Variants in RIN3 observed in about 807,000 individuals in gnomAD.
The protein encoded by RIN3 is Ras and Rab interactor 3, also known as RAB5 interacting protein 3.
RIN3 carries 54 observed loss-of-function variants against 76.3 expected under a neutral mutation model. The ratio of observed to expected loss-of-function variants is 0.71; its 90% CI spans 0.57 to 0.89. RIN3 has a LOEUF of 0.89. Among genes scored for constraint, RIN3 ranks in the 40% least tolerant of loss-of-function variants. The pLI is 0.00. For synonymous variants in RIN3, 576 were observed against 564.0 expected, an observed-to-expected ratio of 1.02 and a Z score of -0.30; for missense variants, 1,256 against 1,322.1, an observed-to-expected ratio of 0.95 and a Z score of 0.78.
intron 3 of RIN3, among the ~76,000 whole-genome samples, chr14:92,593,652 G>T (rs1295436317): frequency 1.3e-5 from 2 of 152,128 alleles, no homozygotes; most frequent in African/African-American, 4.8e-5. Context: ...TAACAAACCT[G>T]CACGTTGTGC....
chr14:92,661,758 C>CACAAAA (rs373869994), intron 7 of RIN3, among the ~76,000 whole-genome samples: 12,656 of 132,960 alleles, frequency 0.095, 774 homozygotes, highest in Non-Finnish European at 0.13. Context: ...CACACACACA[C>CACAAAA]AAAAAATAGA....
At chr14:92,624,120 A>T (rs941150955) in intron 4 of RIN3, among the ~76,000 whole-genome samples, 1 of 152,276 alleles carries the variant, frequency 6.6e-6, no homozygotes. Flanking sequence ...TATTCAATCC[A>T]TTCCATCCAG....
chr14:92,556,044 G>A, intron 2 of RIN3, 89 bp downstream of exon 2: 1 of 1,077,780 alleles, frequency 9.3e-7, no homozygotes, highest in South Asian at 1.3e-5. Context: ...CCACAGGGAA[G>A]CAGCTACCAT....
intron 5 of RIN3, among the ~76,000 whole-genome samples, chr14:92,646,603 C>A (rs1465903244): frequency 1.3e-5 from 2 of 152,152 alleles, no homozygotes; most frequent in Non-Finnish European, 2.9e-5. Context: ...CCACGCCTGA[C>A]TAATTTTTGT....
intron 3 of RIN3, among the ~76,000 whole-genome samples, chr14:92,603,526 G>A (rs772694894): frequency 3.3e-5 from 5 of 152,218 alleles, no homozygotes; most frequent in Non-Finnish European, 1.5e-5. Flanking sequence ...GAGAAAGCAA[G>A]TCTCAAGAGT....
Position 92,556,240 on chromosome 14 carries a change from G to A in RIN3, c.249+285G>A, listed in dbSNP as rs112314601. ...CTCAGGGCATTTGGGCACCTGAGAG[G>A]CAGGACTGATGCAGTCAGGAGGACC... On this transcript the variant is annotated intron_variant, in intron 2 of 9. Coordinates refer to ENST00000216487, the MANE Select transcript of RIN3 (RefSeq NM_024832.5). 7.2e-5 allele frequency among the ~76,000 whole-genome samples: 11 copies of A among 152,220 alleles called. No homozygotes were observed. In the South Asian group the frequency reaches 2.3e-3, roughly 32 times the overall value.
Position 92,661,760 on chromosome 14 carries a change from A to ACACACACACACACACAC in RIN3, c.2335+2291_2335+2292insCACACACACACACACAC, listed in dbSNP as rs1419895576. On this transcript the variant is annotated intron_variant, in intron 7 of 9. Coordinates refer to ENST00000216487, the MANE Select transcript of RIN3 (RefSeq NM_024832.5). ...ACACACACACACACACACACACACA[A>ACACACACACACACACAC]AAAATAGAATTGTGCTCCCCAAAAG... Among the ~76,000 whole-genome samples the ACACACACACACACACAC allele has an allele frequency of 1.0e-2, 1,278 of 127,924 alleles. 20 individuals carry two copies. Among genetic ancestry groups the ACACACACACACACACAC allele is most frequent in the African/African-American group, 0.028 (880 of 31,864 alleles). 83.9% of individuals were successfully genotyped at this position (127,924 alleles called of 152,430 possible). A position where few individuals can be genotyped will look rare whatever the true frequency, so the allele number is the denominator to read the frequency against.
intron 1 of RIN3, among the ~76,000 whole-genome samples, chr14:92,552,045 G>T (rs1566839036): frequency 6.6e-6 from 1 of 152,212 alleles, no homozygotes; most frequent in East Asian, 1.9e-4. Flanking sequence ...TGCATGTTCT[G>T]TTGGGTGATG....
chr14:92,632,053 G>A (rs1886605738), intron 4 of RIN3, among the ~76,000 whole-genome samples: 1 of 152,156 alleles, frequency 6.6e-6, no homozygotes, highest in Non-Finnish European at 1.5e-5. Flanking sequence ...AGCAGGACTG[G>A]GAGTGGGAGA....
intron 3 of RIN3, among the ~76,000 whole-genome samples, chr14:92,602,878 G>T (rs1234937248): frequency 6.6e-6 from 1 of 152,142 alleles, no homozygotes; most frequent in Non-Finnish European, 1.5e-5. Flanking sequence ...CCATGGGGAG[G>T]GTGCAGAGCT....
intron 2 of RIN3, among the ~76,000 whole-genome samples, chr14:92,557,633 G>A (rs57599573): frequency 0.012 from 1,784 of 152,322 alleles, 43 homozygotes; most frequent in African/African-American, 0.04. Context: ...TTGCTACAGA[G>A]GCCCCTGTCA....
At chr14:92,593,685 TATAATA>T (rs530757225) in intron 3 of RIN3, among the ~76,000 whole-genome samples, 9 of 151,880 alleles carry the variant, frequency 5.9e-5, no homozygotes, top group East Asian at 1.9e-4. Context: ...GAACTTAAAG[TATAATA>T]ATAATAATAA....
At chr14:92,667,726 T>C (rs1888159137) in intron 7 of RIN3, among the ~76,000 whole-genome samples, 1 of 152,184 alleles carries the variant, frequency 6.6e-6, no homozygotes, top group Non-Finnish European at 1.5e-5. Context: ...TCTAACTCAA[T>C]AGAAGTGTAC....
intron 3 of RIN3, among the ~76,000 whole-genome samples, chr14:92,610,287 AGAAT>A (rs1392031099): frequency 6.6e-6 from 1 of 152,202 alleles, no homozygotes; most frequent in Non-Finnish European, 1.5e-5. Flanking sequence ...AGAAAAAAAG[AGAAT>A]GAATGAAGCC....
chr14:92,643,123 G>C lies in RIN3; in HGVS notation c.532+1794G>C, dbSNP rs1887077559. Among the ~76,000 whole-genome samples, 1 of 151,810 alleles carries C rather than the reference G, an allele frequency of 6.6e-6. No individual in the cohort carries two copies. Among genetic ancestry groups the C allele is most frequent in the Non-Finnish European group, 1.5e-5 (1 of 67,922 alleles). On this transcript the variant is annotated intron_variant, in intron 5 of 9. Coordinates refer to ENST00000216487, the MANE Select transcript of RIN3 (RefSeq NM_024832.5). The surrounding 1 kb of genome is among the most constrained non-coding windows in gnomAD (Gnocchi z 4.8). ...GGCTGGAGTGCAGTGGTGCGATCTT[G>C]GCTCACTGCAACCTCCACCTCCCAG... is the stretch of plus-strand genomic sequence containing the variant.
intron 3 of RIN3, among the ~76,000 whole-genome samples, chr14:92,592,503 A>G (rs955583492): frequency 2.0e-5 from 3 of 151,758 alleles, no homozygotes; most frequent in Non-Finnish European, 2.9e-5. Context: ...TGAGTCTCTG[A>G]TAAAAAATGG....
chr14:92,577,954 T>C (rs1433887418), intron 3 of RIN3, among the ~76,000 whole-genome samples: 1 of 152,100 alleles, frequency 6.6e-6, no homozygotes, highest in East Asian at 1.9e-4. Context: ...AAGACAAAAA[T>C]CTGGGCCAGG....
intron 4 of RIN3, among the ~76,000 whole-genome samples, chr14:92,617,738 T>C (rs769844297): frequency 6.6e-6 from 1 of 152,252 alleles, no homozygotes; most frequent in African/African-American, 2.4e-5. Flanking sequence ...CCCCTAGCAC[T>C]GAATTTCTAT....
intron 4 of RIN3, among the ~76,000 whole-genome samples, chr14:92,621,235 C>CAAAAAGAAAAA (rs1886169054): frequency 1.4e-5 from 1 of 70,694 alleles, no homozygotes; most frequent in Non-Finnish European, 2.4e-5. Context: ...GACTCCGTCT[C>CAAAAAGAAAAA]AAAAAAAAAA....
Sources: allele counts gnomAD v4.1 joint callset (sites outside exome capture counted in the v4.1 genomes callset), GRCh38; gene constraint gnomAD v4.1.1; non-coding constraint Gnocchi (gnomAD v3.1); transcripts MANE v1.5; gene names NCBI Gene and HGNC (gene_info 2026-07-23, HGNC 2026-07-21).